The following CSMD3 variants were observed in gnomAD, a reference collection of about 807,000 sequenced individuals.
CSMD3 encodes the protein CUB and sushi domain-containing protein 3.
Under a neutral mutation model 435.2 loss-of-function variants are expected in CSMD3, and 177 were observed. That is an observed-to-expected ratio of 0.41 (90% CI 0.36 to 0.46). The LOEUF is 0.46. Among genes scored for constraint, CSMD3 ranks in the 20% least tolerant of loss-of-function variants. CSMD3 has a pLI of 0.34. For synonymous variants in CSMD3, 1,656 were observed against 1,520.5 expected (o/e 1.09, Z -2.07); for missense variants, 4,265 against 4,504.6 (o/e 0.95, Z 1.52).
chr8:113,001,980 G>A (rs1002731842), intron 6 of CSMD3, among the ~76,000 whole-genome samples: 30 of 152,014 alleles, frequency 2.0e-4, no homozygotes, highest in Admixed American at 7.2e-4. Flanking sequence ...TGATTTCTGA[G>A]AGAACTTCAT....
In CSMD3 at chr8:112,472,695, C is replaced by T. The variant is rs2130754775; in HGVS notation, c.5291G>A (p.Ser1764Asn). 1 of 1,602,346 alleles carries T rather than the reference C, an allele frequency of 6.2e-7. No homozygotes were observed. The highest frequency in any genetic ancestry group is 1.1e-5 in the South Asian group (1 of 90,858). Reference protein sequence around the residue: ...ALPSCHAPCGSRSTGSEGTVL... With the variant: ...ALPSCHAPCGNRSTGSEGTVL... ...AGTGCCTTCTGAACCTGTTGAACGA[C>T]TTCCACAGGGCGCTAGGAAAAAATG... The change falls in exon 32 of 71, where the codon AGT becomes AAT. Residue 1764 changes from serine to asparagine, a missense_variant. Coordinates refer to ENST00000297405, the MANE Select transcript of CSMD3 (RefSeq NM_198123.2).
At position 112,794,793 on chromosome 8, in the gene CSMD3, G is replaced by A. The variant is rs1336295614; in HGVS notation, c.1972+5369C>T. On this transcript the variant is annotated intron_variant, in intron 13 of 70. Coordinates refer to ENST00000297405, the MANE Select transcript of CSMD3 (RefSeq NM_198123.2). ...AAAAAATTACCCCCTTGAAATTAAC[G>A]TACCCATAAGTAAAATATCGGTATG... Among the ~76,000 whole-genome samples, 7 of 151,982 alleles carry A rather than the reference G, an allele frequency of 4.6e-5. No homozygotes were observed. In the South Asian group the frequency reaches 1.0e-3, roughly 23 times the overall value.
At chr8:112,842,075 C>G (rs1351364744) in intron 11 of CSMD3, among the ~76,000 whole-genome samples, 2 of 151,754 alleles carry the variant, frequency 1.3e-5, no homozygotes, top group Non-Finnish European at 2.9e-5. Flanking sequence ...CTGTGGGTAA[C>G]ACAGGTATAA....
intron 13 of CSMD3, among the ~76,000 whole-genome samples, chr8:112,712,976 C>A (rs139485398): frequency 8.5e-5 from 13 of 152,140 alleles, no homozygotes; most frequent in African/African-American, 2.6e-4. Context: ...CTAGAAGAAG[C>A]AGCGATTGGA....
intron 11 of CSMD3, among the ~76,000 whole-genome samples, chr8:112,855,520 T>C (rs1046862882): frequency 1.3e-5 from 2 of 152,014 alleles, no homozygotes; most frequent in East Asian, 3.9e-4. Context: ...TTAATTAAAA[T>C]TGGCCTATAA....
At chr8:113,086,878 A>C (rs1264950370) in intron 5 of CSMD3, among the ~76,000 whole-genome samples, 2 of 152,182 alleles carry the variant, frequency 1.3e-5, no homozygotes, top group Non-Finnish European at 2.9e-5. Flanking sequence ...AAAGATCTTT[A>C]ATAACTTAAA....
At chr8:113,336,137 GA>G (rs887535120) in intron 1 of CSMD3, among the ~76,000 whole-genome samples, 5 of 151,604 alleles carry the variant, frequency 3.3e-5, no homozygotes, top group Admixed American at 6.6e-5. Context: ...TGTTCAGATT[GA>G]GTAATTTATT....
At chr8:112,274,141 T>G (rs112620899) in intron 59 of CSMD3, among the ~76,000 whole-genome samples, 121 of 151,866 alleles carry the variant, frequency 8.0e-4, no homozygotes, top group African/African-American at 2.9e-3. Context: ...GTAAGAGGAA[T>G]TCAGCTTTCC....
intron 12 of CSMD3, among the ~76,000 whole-genome samples, chr8:112,811,939 A>G (rs921032041): frequency 6.6e-6 from 1 of 152,176 alleles, no homozygotes; most frequent in Non-Finnish European, 1.5e-5. Flanking sequence ...CCCTGACAGT[A>G]AAGGATGCTG....
At chr8:112,397,444 T>A (rs567322198) in intron 35 of CSMD3, among the ~76,000 whole-genome samples, 9 of 152,326 alleles carry the variant, frequency 5.9e-5, no homozygotes, top group Admixed American at 1.3e-4. Context: ...CAATTTTCTA[T>A]CTCTGGATAT....
chr8:112,545,482 C>CAAAA (rs71566032), intron 27 of CSMD3, among the ~76,000 whole-genome samples: 271 of 26,776 alleles, frequency 0.01, 13 homozygotes, highest in African/African-American at 0.034. Context: ...GACTCCATCT[C>CAAAA]AAAAAAAAAA....
intron 19 of CSMD3, 95 bp from the exon 20 acceptor site, chr8:112,645,320 T>C (rs1029924163): frequency 3.9e-6 from 3 of 770,636 alleles, no homozygotes; most frequent in Non-Finnish European, 7.1e-6. Context: ...GCAGTCGCAT[T>C]ATCTTTGCTT....
intron 5 of CSMD3, among the ~76,000 whole-genome samples, chr8:113,094,965 G>T (rs1455173592): frequency 1.3e-5 from 2 of 151,886 alleles, no homozygotes; most frequent in Non-Finnish European, 2.9e-5. Flanking sequence ...CAGCTACTCG[G>T]GAGGCTGAGG....
At chr8:112,376,696 A>G (rs934386479) in intron 38 of CSMD3, among the ~76,000 whole-genome samples, 1 of 152,200 alleles carries the variant, frequency 6.6e-6, no homozygotes, top group East Asian at 1.9e-4. Flanking sequence ...GTGTAGGTAT[A>G]CTAATGTTAA....
chr8:112,629,991 G>A (rs2074469860), intron 22 of CSMD3, among the ~76,000 whole-genome samples: 1 of 152,168 alleles, frequency 6.6e-6, no homozygotes, highest in Non-Finnish European at 1.5e-5. Flanking sequence ...ACTGTGGATG[G>A]AATTGAGCAA....
intron 10 of CSMD3, among the ~76,000 whole-genome samples, chr8:112,881,872 C>T (rs1162655191): frequency 6.6e-6 from 1 of 151,890 alleles, no homozygotes; most frequent in South Asian, 2.1e-4. Context: ...CACTTATTTA[C>T]AGGAGAGTCT....
chr8:113,262,576 CTTT>C (rs1023050899), intron 3 of CSMD3, among the ~76,000 whole-genome samples: 12 of 151,968 alleles, frequency 7.9e-5, no homozygotes, highest in African/African-American at 1.7e-4. Flanking sequence ...GTATAAAACT[CTTT>C]TTAGCCAACT....
chr8:112,450,011 A>C (rs1281260699), intron 32 of CSMD3, among the ~76,000 whole-genome samples: 1 of 152,184 alleles, frequency 6.6e-6, no homozygotes, highest in Non-Finnish European at 1.5e-5. Flanking sequence ...GGCATGAACC[A>C]CCGTGCCTGG....
chr8:112,272,899 G>T (rs904172494), intron 59 of CSMD3, among the ~76,000 whole-genome samples: 5 of 152,094 alleles, frequency 3.3e-5, no homozygotes, highest in African/African-American at 1.2e-4. Context: ...GGTTTGGATT[G>T]TTAATGGGGT....
Sources: gnomAD v4.1 joint callset for allele counts (sites outside exome capture counted in the v4.1 genomes callset) on GRCh38, gnomAD v4.1.1 for gene constraint, MANE v1.5 for transcripts, NCBI Gene and HGNC (gene_info 2026-07-23, HGNC 2026-07-21) for gene names.